BTBD9: variants seen among roughly 807,000 people sequenced by gnomAD.
The protein encoded by BTBD9 is BTB domain containing 9, also known as BTB/POZ domain-containing protein 9.
A neutral mutation model predicts 64.3 loss-of-function variants in BTBD9; 49 were observed. The observed-to-expected ratio is 0.76, with a 90% CI of 0.61 to 0.97. The LOEUF is 0.97. BTBD9 is among the 50% of genes least tolerant of loss of function. BTBD9 has a pLI of 0.00. For synonymous variants in BTBD9, 260 were observed against 274.7 expected, an observed-to-expected ratio of 0.95 and a Z score of 0.53; for missense variants, 598 against 762.1, an observed-to-expected ratio of 0.78 and a Z score of 2.53.
At chr6:38,336,095 C>T (rs1317524412) in intron 7 of BTBD9, among the ~76,000 whole-genome samples, 1 of 152,070 alleles carries the variant, frequency 6.6e-6, no homozygotes, top group African/African-American at 2.4e-5. Flanking sequence ...ACACACTGAC[C>T]ACATACTAAG....
intron 1 of BTBD9, among the ~76,000 whole-genome samples, chr6:38,633,969 T>G (rs1028083792): frequency 6.6e-6 from 1 of 152,182 alleles, no homozygotes; most frequent in Admixed American, 6.5e-5. Flanking sequence ...CATACATGTG[T>G]GCACATTCCT....
At chr6:38,205,875 G>C (rs1488389813) in intron 9 of BTBD9, among the ~76,000 whole-genome samples, 1 of 9,712 alleles carries the variant, frequency 1.0e-4, no homozygotes, top group Non-Finnish European at 2.1e-4. Context: ...GCAGGAGTCT[G>C]TCTCAAAAAA....
intron 6 of BTBD9, among the ~76,000 whole-genome samples, chr6:38,469,242 C>T (rs1304043306): frequency 6.6e-6 from 1 of 151,498 alleles, no homozygotes; most frequent in African/African-American, 2.4e-5. Flanking sequence ...TGTCTAGGAA[C>T]TTTCTTAACC....
At chr6:38,317,934 CTTT>C (rs34109121) in intron 7 of BTBD9, among the ~76,000 whole-genome samples, 2 of 128,830 alleles carry the variant, frequency 1.6e-5, no homozygotes, top group Admixed American at 8.1e-5. Flanking sequence ...CTCAAAATAG[CTTT>C]TTTTTTTTTT....
intron 1 of BTBD9, among the ~76,000 whole-genome samples, chr6:38,615,485 A>G (rs890624432): frequency 6.6e-6 from 1 of 152,124 alleles, no homozygotes; most frequent in Non-Finnish European, 1.5e-5. Context: ...ATTCTGCTCC[A>G]GCCACACTGG....
chr6:38,589,267 T>G (rs1776686749), intron 4 of BTBD9, among the ~76,000 whole-genome samples: 1 of 152,166 alleles, frequency 6.6e-6, no homozygotes, highest in African/African-American at 2.4e-5. Context: ...GTAACCCAGG[T>G]ACTACCCTTA....
intron 6 of BTBD9, among the ~76,000 whole-genome samples, chr6:38,380,124 C>T (rs1209076485): frequency 6.6e-6 from 1 of 151,688 alleles, no homozygotes; most frequent in African/African-American, 2.4e-5. Flanking sequence ...AAGTATATGC[C>T]TGTATTACTT....
At chr6:38,213,375 TCTG>T (rs1762899884) in intron 9 of BTBD9, among the ~76,000 whole-genome samples, 1 of 151,918 alleles carries the variant, frequency 6.6e-6, no homozygotes, top group Non-Finnish European at 1.5e-5. Context: ...TAAAAAAATC[TCTG>T]GAGTAAAAAA....
At chr6:38,337,092 T>C (rs1038410816) in intron 7 of BTBD9, among the ~76,000 whole-genome samples, 36 of 152,212 alleles carry the variant, frequency 2.4e-4, no homozygotes, top group African/African-American at 8.4e-4. Flanking sequence ...TAGGAAACTA[T>C]CTGCATTAAG....
At chr6:38,539,195 G>A (rs1290687246) in intron 6 of BTBD9, among the ~76,000 whole-genome samples, 1 of 152,108 alleles carries the variant, frequency 6.6e-6, no homozygotes, top group Non-Finnish European at 1.5e-5. Context: ...GCCTCCCAAA[G>A]CACTGGGATT....
chr6:38,554,903 C>T (rs976426325), intron 6 of BTBD9, among the ~76,000 whole-genome samples: 1 of 152,222 alleles, frequency 6.6e-6, no homozygotes, highest in Non-Finnish European at 1.5e-5. Context: ...GGTAAAGTTA[C>T]AAACACGTTT....
chr6:38,404,370 T>C (rs567409655), intron 6 of BTBD9, among the ~76,000 whole-genome samples: 1 of 152,278 alleles, frequency 6.6e-6, no homozygotes, highest in Admixed American at 6.5e-5. Context: ...GTCTTTAATA[T>C]CTTCAAACAG....
intron 6 of BTBD9, among the ~76,000 whole-genome samples, chr6:38,355,271 A>G (rs144013698): frequency 6.6e-6 from 1 of 152,198 alleles, no homozygotes; most frequent in Non-Finnish European, 1.5e-5. Flanking sequence ...CAGTCTACCC[A>G]ATCATTTAAA....
intron 7 of BTBD9, among the ~76,000 whole-genome samples, chr6:38,315,183 A>C (rs966517100): frequency 6.6e-6 from 1 of 152,168 alleles, no homozygotes; most frequent in Non-Finnish European, 1.5e-5. Context: ...TGTTTTTCTA[A>C]GTTAGACTGG....
At chr6:38,412,119 C>T (rs80268004) in intron 6 of BTBD9, among the ~76,000 whole-genome samples, 27,636 of 151,754 alleles carry the variant, frequency 0.18, 3,072 homozygotes, top group East Asian at 0.39. Context: ...ATCAATCTGA[C>T]TACATAAAAA....
intron 6 of BTBD9, among the ~76,000 whole-genome samples, chr6:38,368,785 G>A (rs1457667123): frequency 6.6e-6 from 1 of 152,034 alleles, no homozygotes; most frequent in Non-Finnish European, 1.5e-5. Context: ...TCAGGCTAAG[G>A]GTCCCTGCTC....
Position 38,174,772 on chromosome 6 carries a change from A to T in BTBD9, c.*213T>A. On this transcript the variant is annotated 3_prime_UTR_variant, in exon 11 of 11. Coordinates refer to ENST00000481247, the MANE Select transcript of BTBD9 (RefSeq NM_001099272.2). Reference sequence around the variant, plus strand: ...TTGAAGACCCATTTTCTCCCCCTTGAGACCTGCCTGATTTGGATAAATTGA... The same window carrying T: ...TTGAAGACCCATTTTCTCCCCCTTGTGACCTGCCTGATTTGGATAAATTGA... The T allele has an allele frequency of 1.7e-6, 1 of 587,986 alleles. No individual in the cohort carries two copies. The highest frequency in any genetic ancestry group is 3.0e-6 in the Non-Finnish European group (1 of 338,282). The allele number at this position is 587,986 out of a possible 1,614,324, so 36.4% of individuals were successfully genotyped here.
intron 6 of BTBD9, among the ~76,000 whole-genome samples, chr6:38,363,509 C>T (rs1195865573): frequency 6.6e-6 from 1 of 152,182 alleles, no homozygotes; most frequent in Non-Finnish European, 1.5e-5. Flanking sequence ...AGCCTAGGAG[C>T]TGGAGGCTGC....
intron 7 of BTBD9, among the ~76,000 whole-genome samples, chr6:38,309,402 C>A (rs113286171): frequency 0.03 from 4,530 of 151,500 alleles, 213 homozygotes; most frequent in African/African-American, 0.1. Context: ...AACAAAAAAA[C>A]CACGAAAAAG....
Sources: allele counts gnomAD v4.1 joint callset (sites outside exome capture counted in the v4.1 genomes callset), GRCh38; gene constraint gnomAD v4.1.1; transcripts MANE v1.5; gene names NCBI Gene and HGNC (gene_info 2026-07-23, HGNC 2026-07-21).